The following DIP2C variants were observed in gnomAD, a reference collection of about 807,000 sequenced individuals.
DIP2C encodes the protein DIP2 acetate--CoA ligase C (putative).
Under a neutral mutation model 192.4 loss-of-function variants are expected in DIP2C, and 33 were observed. That is an observed-to-expected ratio of 0.17 (90% CI 0.13 to 0.23). The LOEUF is 0.23. Among genes scored for constraint, DIP2C ranks in the 10% least tolerant of loss-of-function variants. The pLI is 1.00. For missense variants in DIP2C, 1,537 were observed against 2,110.1 expected (o/e 0.73, Z 5.32); for synonymous variants, 979 against 864.1 (o/e 1.13, Z -2.33).
chr10:602,014 G>C (rs1267729742), intron 1 of DIP2C, among the ~76,000 whole-genome samples: 1 of 151,508 alleles, frequency 6.6e-6, no homozygotes, highest in Non-Finnish European at 1.5e-5. Context: ...CCTTGTCCTT[G>C]GTAAAGGGTC....
chr10:484,561 C>T (rs1260376175), intron 2 of DIP2C, among the ~76,000 whole-genome samples: 1 of 152,182 alleles, frequency 6.6e-6, no homozygotes, highest in African/African-American at 2.4e-5. Context: ...AAGCAACGTT[C>T]TACTTCAATA....
At chr10:485,834 G>C (rs565167765) in intron 2 of DIP2C, among the ~76,000 whole-genome samples, 1 of 152,302 alleles carries the variant, frequency 6.6e-6, no homozygotes, top group African/African-American at 2.4e-5. Context: ...TCGCTCTTGG[G>C]CTGAATTGAG....
At chr10:531,949 T>C (rs1460347188) in intron 1 of DIP2C, among the ~76,000 whole-genome samples, 3 of 152,226 alleles carry the variant, frequency 2.0e-5, no homozygotes, top group African/African-American at 7.2e-5. Context: ...AACTCTAACT[T>C]TGTTTTATAG....
At chr10:471,846 A>T (rs1197206594) in intron 3 of DIP2C, among the ~76,000 whole-genome samples, 1 of 152,080 alleles carries the variant, frequency 6.6e-6, no homozygotes, top group African/African-American at 2.4e-5. Context: ...TCCGCCTCCC[A>T]GGTTCAAGCA....
Position 472,449 on chromosome 10 carries a change from G to A in DIP2C, c.258C>T (p.Arg86=). 6.2e-7 allele frequency: 1 copy of A among 1,614,150 alleles called. No individual in the cohort carries two copies. The highest frequency in any genetic ancestry group is 8.5e-7 in the Non-Finnish European group (1 of 1,179,992). The change falls in exon 3 of 37, where the codon CGC becomes CGT. Residue 86 remains arginine, a synonymous_variant. Coordinates refer to ENST00000280886, the MANE Select transcript of DIP2C (RefSeq NM_014974.3). ...RRRSSGSRDE[R]YRSDVHTEAV... is the part of the protein sequence containing the mutation. ...CCACCCCGTGCTTACCTGACCGATA[G>A]CGCTCATCTCGTGACCCTGAAGACC...
chr10:514,263 C>T (rs1236337961), intron 1 of DIP2C, among the ~76,000 whole-genome samples: 3 of 151,986 alleles, frequency 2.0e-5, no homozygotes, highest in Non-Finnish European at 2.9e-5. Flanking sequence ...GCATTATCGA[C>T]TCAGTTCTCG....
At chr10:643,689 A>G (rs954940009) in intron 1 of DIP2C, among the ~76,000 whole-genome samples, 1 of 152,250 alleles carries the variant, frequency 6.6e-6, no homozygotes, top group Non-Finnish European at 1.5e-5. Context: ...CGTTATGTCC[A>G]TGTCACTCAC....
intron 36 of DIP2C, among the ~76,000 whole-genome samples, chr10:280,886 GGTTT>G (rs1954786559): frequency 6.6e-6 from 1 of 152,166 alleles, no homozygotes; most frequent in Non-Finnish European, 1.5e-5. Context: ...ATATGTGTGA[GGTTT>G]GTTTTCTTCC....
At chr10:318,887 T>A (rs1403660762) in intron 31 of DIP2C, among the ~76,000 whole-genome samples, 3 of 148,210 alleles carry the variant, frequency 2.0e-5, no homozygotes, top group Non-Finnish European at 3.0e-5. Flanking sequence ...ATTTACATCA[T>A]CTCCTGAGCC....
chr10:447,746 A>AG (rs1343323350), intron 3 of DIP2C, among the ~76,000 whole-genome samples: 3 of 53,718 alleles, frequency 5.6e-5, no homozygotes, highest in African/African-American at 2.4e-4. Context: ...CACACACAGT[A>AG]GGGCAGCAGG....
intron 2 of DIP2C, among the ~76,000 whole-genome samples, chr10:473,968 A>G (rs904524623): frequency 4.6e-5 from 7 of 152,156 alleles, no homozygotes; most frequent in Non-Finnish European, 1.5e-5. Flanking sequence ...TGGCTCCTAC[A>G]CCGTCATTTT....
At chr10:331,970 A>C (rs1172591777) in intron 29 of DIP2C, among the ~76,000 whole-genome samples, 1 of 152,112 alleles carries the variant, frequency 6.6e-6, no homozygotes, top group Non-Finnish European at 1.5e-5. Flanking sequence ...CACCCAGGCT[A>C]GAGTGCAGTG....
chr10:662,030 C>G (rs994206993), intron 1 of DIP2C: 1 of 715,992 alleles, frequency 1.4e-6, no homozygotes, highest in South Asian at 1.5e-5. Flanking sequence ...CCGCAGGAGC[C>G]TGGCCTGTCC....
chr10:544,359 T>C (rs1165104161), intron 1 of DIP2C, among the ~76,000 whole-genome samples: 1 of 152,264 alleles, frequency 6.6e-6, no homozygotes, highest in East Asian at 1.9e-4. Context: ...ATCTGGGCTG[T>C]TTCTACTCAC....
intron 3 of DIP2C, among the ~76,000 whole-genome samples, chr10:469,217 G>A (rs1040326891): frequency 2.0e-5 from 3 of 152,040 alleles, no homozygotes; most frequent in Non-Finnish European, 4.4e-5. Context: ...AGGACATCAA[G>A]GTCACCCTGA....
intron 24 of DIP2C, 101 bp downstream of exon 24, chr10:356,325 A>G (rs1959079284): frequency 7.6e-7 from 1 of 1,320,928 alleles, no homozygotes. Flanking sequence ...TTCCCATAAG[A>G]CTGAAGCAAA....
At chr10:414,762 G>GTATATATATA (rs1229136650) in intron 7 of DIP2C, among the ~76,000 whole-genome samples, 1 of 53,288 alleles carries the variant, frequency 1.9e-5, no homozygotes, top group African/African-American at 6.8e-5. Context: ...TATATAATGT[G>GTATATATATA]TATATATATA....
intron 1 of DIP2C, among the ~76,000 whole-genome samples, chr10:535,299 A>G (rs1000213743): frequency 6.6e-6 from 1 of 151,386 alleles, no homozygotes; most frequent in African/African-American, 2.4e-5. Context: ...GAGAGGAGAC[A>G]AGCAGCAGGC....
chr10:492,905 G>T (rs925320538), intron 1 of DIP2C, among the ~76,000 whole-genome samples: 2 of 152,224 alleles, frequency 1.3e-5, no homozygotes, highest in Admixed American at 1.3e-4. Flanking sequence ...CACCGCAGTG[G>T]TCTTGAAAAT....
Sources: gnomAD v4.1 joint callset for allele counts (sites outside exome capture counted in the v4.1 genomes callset) on GRCh38, gnomAD v4.1.1 for gene constraint, MANE v1.5 for transcripts, NCBI Gene and HGNC (gene_info 2026-07-23, HGNC 2026-07-21) for gene names.